The following GRID1 variants were observed in gnomAD, a reference collection of about 807,000 sequenced individuals.
The protein encoded by GRID1 is glutamate ionotropic receptor delta type subunit 1, also known as glutamate receptor ionotropic, delta-1.
Under a neutral mutation model 98.0 loss-of-function variants are expected in GRID1, and 28 were observed. The observed-to-expected ratio is 0.29, with a 90% CI of 0.21 to 0.39. The LOEUF is 0.39. Ranked by LOEUF, GRID1 falls within the 10% of genes least tolerant of loss-of-function variation. GRID1 has a pLI of 1.00. For missense variants in GRID1, 1,111 were observed against 1,340.5 expected (o/e 0.83, Z 2.67); for synonymous variants, 553 against 538.5 (o/e 1.03, Z -0.37).
At chr10:86,075,108 T>C (rs540212680) in intron 4 of GRID1, among the ~76,000 whole-genome samples, 2 of 146,242 alleles carry the variant, frequency 1.4e-5, no homozygotes, top group Non-Finnish European at 3.0e-5. Flanking sequence ...CCCACCATGG[T>C]CCCCGCGGAA....
At chr10:85,755,555 G>A (rs1437762930) in intron 8 of GRID1, among the ~76,000 whole-genome samples, 2 of 151,704 alleles carry the variant, frequency 1.3e-5, no homozygotes, top group Non-Finnish European at 2.9e-5. Context: ...TAAAGCAAAG[G>A]ACTCTTCTGA....
At chr10:85,712,017 T>C (rs1330645829) in intron 12 of GRID1, among the ~76,000 whole-genome samples, 2 of 151,714 alleles carry the variant, frequency 1.3e-5, no homozygotes, top group African/African-American at 2.4e-5. Context: ...TGTGTACATA[T>C]ACATATATAT....
chr10:85,854,282 C>G (rs1309638397), intron 8 of GRID1, among the ~76,000 whole-genome samples: 1 of 152,192 alleles, frequency 6.6e-6, no homozygotes, highest in Non-Finnish European at 1.5e-5. Flanking sequence ...CAAAGAGACT[C>G]CATTAGAGGC....
chr10:86,116,730 G>C (rs936760224), intron 4 of GRID1, among the ~76,000 whole-genome samples: 1 of 150,354 alleles, frequency 6.7e-6, no homozygotes, highest in South Asian at 2.1e-4. Flanking sequence ...ATGGGGAGAG[G>C]AGCACCAGCA....
intron 4 of GRID1, among the ~76,000 whole-genome samples, chr10:86,006,165 A>T (rs1481645621): frequency 6.6e-6 from 1 of 152,248 alleles, no homozygotes; most frequent in Non-Finnish European, 1.5e-5. Context: ...ATTCATAAGT[A>T]AAAAGGTTCT....
At chr10:85,882,196 A>G (rs556429477) in intron 5 of GRID1, among the ~76,000 whole-genome samples, 90 of 152,308 alleles carry the variant, frequency 5.9e-4, no homozygotes, top group Non-Finnish European at 1.2e-3. Context: ...TAGTTCAACC[A>G]TTGTGGAAGT....
chr10:85,692,084 T>G (rs1055079561), intron 12 of GRID1, among the ~76,000 whole-genome samples: 1 of 152,160 alleles, frequency 6.6e-6, no homozygotes, highest in African/African-American at 2.4e-5. Flanking sequence ...GCTTTCTCTC[T>G]ACATCTATTC....
chr10:85,813,344 C>T (rs1842689492), intron 8 of GRID1, among the ~76,000 whole-genome samples: 1 of 150,836 alleles, frequency 6.6e-6, no homozygotes, highest in Admixed American at 6.6e-5. Flanking sequence ...TGAAAGCAGC[C>T]AGAAGAAAAC....
At chr10:85,642,710 G>T (rs570463614) in intron 13 of GRID1, among the ~76,000 whole-genome samples, 3 of 152,208 alleles carry the variant, frequency 2.0e-5, no homozygotes, top group African/African-American at 7.2e-5. Flanking sequence ...GCCTGACAAG[G>T]TCTCACTTGT....
chr10:85,880,604 G>GTA (rs1283827642), intron 5 of GRID1, among the ~76,000 whole-genome samples: 3 of 151,660 alleles, frequency 2.0e-5, no homozygotes, highest in Admixed American at 6.6e-5. Flanking sequence ...AATAAATTAG[G>GTA]TATTGATGGG....
chr10:86,011,445 T>C (rs1294474535), intron 4 of GRID1, among the ~76,000 whole-genome samples: 1 of 152,146 alleles, frequency 6.6e-6, no homozygotes, highest in Non-Finnish European at 1.5e-5. Flanking sequence ...GGGACAGTAA[T>C]GCTCGACTCC....
intron 4 of GRID1, among the ~76,000 whole-genome samples, chr10:86,022,431 G>T (rs1487815976): frequency 6.6e-6 from 1 of 152,198 alleles, no homozygotes; most frequent in Non-Finnish European, 1.5e-5. Context: ...CAGGGCCACA[G>T]GGTGAGGCCA....
intron 4 of GRID1, among the ~76,000 whole-genome samples, chr10:86,133,747 T>G (rs1019052796): frequency 1.1e-4 from 17 of 152,162 alleles, no homozygotes; most frequent in Admixed American, 3.3e-4. Context: ...AATAAAATGG[T>G]GAACATCACA....
chr10:85,628,562 T>C (rs565121346), intron 13 of GRID1, among the ~76,000 whole-genome samples: 1 of 152,024 alleles, frequency 6.6e-6, no homozygotes, highest in Non-Finnish European at 1.5e-5. Context: ...GAGAGAACAA[T>C]GGAGAAAGGT....
intron 2 of GRID1, among the ~76,000 whole-genome samples, chr10:86,242,061 T>C (rs944337781): frequency 6.6e-6 from 1 of 152,212 alleles, no homozygotes; most frequent in African/African-American, 2.4e-5. Flanking sequence ...ATTACACAGA[T>C]TTTTGTTGAG....
intron 8 of GRID1, among the ~76,000 whole-genome samples, chr10:85,811,492 C>CA (rs34938242): frequency 0.33 from 50,776 of 151,784 alleles, 9,165 homozygotes; most frequent in African/African-American, 0.46. Flanking sequence ...AAAAATTAAA[C>CA]AAGAGATAGA....
At chr10:85,667,859 C>T (rs114310280) in intron 12 of GRID1, among the ~76,000 whole-genome samples, 3,280 of 152,294 alleles carry the variant, frequency 0.022, 79 homozygotes, top group African/African-American at 0.055. Context: ...TAGGCTTCCC[C>T]GCTCTGCAGG....
At position 86,366,079 on chromosome 10, in the gene GRID1, G is replaced by A. The variant is rs1308044284; in HGVS notation, c.79+235C>T. On this transcript the variant is annotated intron_variant, in intron 1 of 15. Coordinates refer to ENST00000327946, the MANE Select transcript of GRID1 (RefSeq NM_017551.3). The surrounding 1 kb of genome is among the most constrained non-coding windows in gnomAD (Gnocchi z 4.1). ...CCCGAAGCGTCGGCCCTAAGTGTCG[G>A]TAGAGGCCGCGGGGCCCCGCGCGGA... Among the ~76,000 whole-genome samples, 2 of 152,046 alleles carry A rather than the reference G, an allele frequency of 1.3e-5. No individual in the cohort carries two copies. Among genetic ancestry groups the A allele is most frequent in the Non-Finnish European group, 2.9e-5 (2 of 67,976 alleles).
intron 4 of GRID1, among the ~76,000 whole-genome samples, chr10:85,974,788 G>C (rs1422662135): frequency 6.6e-6 from 1 of 152,140 alleles, no homozygotes. Flanking sequence ...CACTATGCCT[G>C]GCTAATTTTT....
Sources: gnomAD v4.1 joint callset for allele counts (sites outside exome capture counted in the v4.1 genomes callset) on GRCh38, gnomAD v4.1.1 for gene constraint, Gnocchi (gnomAD v3.1) non-coding constraint, MANE v1.5 for transcripts, NCBI Gene and HGNC (gene_info 2026-07-23, HGNC 2026-07-21) for gene names.